PCLO: variants seen among roughly 807,000 people sequenced by gnomAD.
PCLO encodes protein piccolo.
A neutral mutation model predicts 427.5 loss-of-function variants in PCLO; 82 were observed. That is an observed-to-expected ratio of 0.19 (90% CI 0.16 to 0.23). The LOEUF is 0.23. Ranked by LOEUF, PCLO falls within the 10% of genes least tolerant of loss-of-function variation. The pLI is 1.00. For missense variants in PCLO, 6,239 were observed against 6,115.9 expected (o/e 1.02, Z -0.67); for synonymous variants, 2,357 against 2,155.4 (o/e 1.09, Z -2.59).
chr7:83,160,871 A>G (rs1184456519), intron 1 of PCLO, among the ~76,000 whole-genome samples: 1 of 152,158 alleles, frequency 6.6e-6, no homozygotes, highest in Non-Finnish European at 1.5e-5. Flanking sequence ...AAGGCTAATA[A>G]AAGTATCATA....
chr7:82,816,253 T>G (rs1403267266), intron 20 of PCLO, among the ~76,000 whole-genome samples: 1 of 152,132 alleles, frequency 6.6e-6, no homozygotes, highest in Non-Finnish European at 1.5e-5. Context: ...TCATGGATAG[T>G]TACATATCTG....
At chr7:82,771,253 A>G (rs1790641631) in intron 22 of PCLO, among the ~76,000 whole-genome samples, 1 of 151,922 alleles carries the variant, frequency 6.6e-6, no homozygotes. Flanking sequence ...CTAACAAATG[A>G]CTATAAATGT....
At chr7:82,796,651 T>C (rs577093861) in intron 22 of PCLO, among the ~76,000 whole-genome samples, 1 of 151,704 alleles carries the variant, frequency 6.6e-6, no homozygotes, top group Non-Finnish European at 1.5e-5. Context: ...ATTTTTATTG[T>C]AATTAGTCAT....
intron 10 of PCLO, among the ~76,000 whole-genome samples, chr7:82,851,264 A>G (rs1345140194): frequency 6.6e-6 from 1 of 151,678 alleles, no homozygotes; most frequent in African/African-American, 2.4e-5. Context: ...CATTGAGAGC[A>G]TTGAGAGTGC....
intron 3 of PCLO, among the ~76,000 whole-genome samples, chr7:83,039,634 G>A (rs1407333019): frequency 6.6e-6 from 1 of 152,036 alleles, no homozygotes; most frequent in Non-Finnish European, 1.5e-5. Flanking sequence ...GGAAATATGA[G>A]TCTTCCAATT....
At chr7:82,798,729 AT>A (rs2129468592) in intron 22 of PCLO, among the ~76,000 whole-genome samples, 2 of 152,278 alleles carry the variant, frequency 1.3e-5, no homozygotes, top group South Asian at 4.1e-4. Flanking sequence ...TTCATGCCCA[AT>A]TCATATAGAT....
chr7:83,145,525 G>C (rs887776417), intron 2 of PCLO, among the ~76,000 whole-genome samples: 3 of 152,108 alleles, frequency 2.0e-5, no homozygotes, highest in Non-Finnish European at 2.9e-5. Flanking sequence ...TTGGGTCAGC[G>C]AATCTCACTT....
At chr7:82,836,580 A>G (rs1792238642) in intron 15 of PCLO, among the ~76,000 whole-genome samples, 1 of 152,210 alleles carries the variant, frequency 6.6e-6, no homozygotes. Flanking sequence ...CAACCATACC[A>G]ACAATTCCAA....
chr7:82,896,655 G>A (rs1793911373), intron 9 of PCLO, among the ~76,000 whole-genome samples: 1 of 149,492 alleles, frequency 6.7e-6, no homozygotes, highest in African/African-American at 2.5e-5. Flanking sequence ...TTATATCCAA[G>A]AAAATTGTTA....
Position 82,784,309 on chromosome 7 carries a change from T to G in PCLO, c.15007+17209A>C, listed in dbSNP as rs116654231. ...CACTTCACCTGGGTCATACTCTTCC[T>G]GAAGGTGCTGGGCACACTTCTGCTG... On this transcript the variant is annotated intron_variant, in intron 22 of 24. Transcript: ENST00000333891. 1.0e-2 allele frequency among the ~76,000 whole-genome samples: 1,521 copies of G among 152,260 alleles called. 18 individuals carry two copies. The highest frequency in any genetic ancestry group is 0.034 in the African/African-American group (1,421 of 41,534).
At chr7:82,853,261 T>C (rs1792711880) in intron 10 of PCLO, among the ~76,000 whole-genome samples, 1 of 152,110 alleles carries the variant, frequency 6.6e-6, no homozygotes, top group Non-Finnish European at 1.5e-5. Flanking sequence ...ATACAAAATA[T>C]ATAAAAATGG....
intron 6 of PCLO, among the ~76,000 whole-genome samples, chr7:82,947,813 C>T (rs1795239347): frequency 6.6e-6 from 1 of 152,060 alleles, no homozygotes; most frequent in South Asian, 2.1e-4. Flanking sequence ...CCTTTACAAC[C>T]CATTGTATCA....
intron 23 of PCLO, among the ~76,000 whole-genome samples, chr7:82,761,132 C>T (rs1790424206): frequency 6.6e-6 from 1 of 151,268 alleles, no homozygotes; most frequent in Non-Finnish European, 1.5e-5. Context: ...TTTTTCTTAA[C>T]AATTTAAAAT....
rs749174291 is a variant in PCLO, at chr7:82,954,870, T to G, written c.6083A>C (p.Asp2028Ala). ...GATGATAAAAGAGCTTGAAACAATATCTTCCTGAGGCACAACAGAATGTAA... is the reference window on the plus strand; with the variant it reads ...GATGATAAAAGAGCTTGAAACAATAGCTTCCTGAGGCACAACAGAATGTAA... ...ESLHSVVPQE[D>A]IVSSSFIIPE... The change falls in exon 5 of 25, where the codon GAT (aspartate) becomes GCT (alanine). Residue 2028 changes from aspartate (D) to alanine (A), a missense_variant. Asp to Ala is a moderately radical substitution (Grantham distance 126). Coordinates refer to ENST00000333891, the MANE Select transcript of PCLO (RefSeq NM_033026.6). The G allele has an allele frequency of 6.2e-7, 1 of 1,613,934 alleles. No homozygotes were observed. The highest frequency in any genetic ancestry group is 1.1e-5 in the South Asian group (1 of 91,080).
In PCLO at chr7:82,910,318, G is replaced by A. The variant is rs542457133; in HGVS notation, c.13301-1305C>T. Among the ~76,000 whole-genome samples, 9 of 152,058 alleles carry A rather than the reference G, an allele frequency of 5.9e-5. No homozygotes were observed. The East Asian group carries it at 9.7e-4, about 16-fold the overall frequency. ...CCATTTCCATCATTTCATTGCTGCC[G>A]GGGATGGCAAACCCACAGCATATGT... is the stretch of plus-strand genomic sequence containing the variant. On this transcript the variant is annotated intron_variant, in intron 7 of 24. Coordinates refer to ENST00000333891, the MANE Select transcript of PCLO (RefSeq NM_033026.6).
intron 3 of PCLO, among the ~76,000 whole-genome samples, chr7:83,031,846 C>A (rs1486590227): frequency 1.3e-5 from 2 of 151,526 alleles, no homozygotes; most frequent in African/African-American, 4.8e-5. Context: ...AAGATAATCA[C>A]TAACATTAGG....
intron 22 of PCLO, among the ~76,000 whole-genome samples, chr7:82,764,745 C>T (rs1270640590): frequency 6.6e-6 from 1 of 151,712 alleles, no homozygotes; most frequent in African/African-American, 2.4e-5. Context: ...ATAATGAAGA[C>T]ACAACAGTTA....
At chr7:83,054,486 C>A (rs1000958788) in intron 3 of PCLO, among the ~76,000 whole-genome samples, 3 of 151,898 alleles carry the variant, frequency 2.0e-5, no homozygotes, top group Non-Finnish European at 4.4e-5. Flanking sequence ...TAATAGAGGG[C>A]AAAGTCATTT....
At chr7:83,065,752 TTTG>T (rs1425005107) in intron 3 of PCLO, among the ~76,000 whole-genome samples, 2 of 151,898 alleles carry the variant, frequency 1.3e-5, no homozygotes, top group East Asian at 3.9e-4. Context: ...AAAGCTTTCA[TTTG>T]TCTTTCCTGT....
Sources: gnomAD v4.1 joint callset for allele counts (sites outside exome capture counted in the v4.1 genomes callset) on GRCh38, gnomAD v4.1.1 for gene constraint, MANE v1.5 for transcripts, NCBI Gene and HGNC (gene_info 2026-07-23, HGNC 2026-07-21) for gene names.